LRRK2: variants seen among roughly 807,000 people sequenced by gnomAD.
LRRK2 encodes leucine rich repeat kinase 2, also known as leucine-rich repeat serine/threonine-protein kinase 2.
LRRK2 carries 203 observed loss-of-function variants against 302.6 expected under a neutral mutation model. The observed-to-expected ratio is 0.67, with a 90% CI of 0.60 to 0.75. LRRK2 has a LOEUF of 0.75. Among genes scored for constraint, LRRK2 ranks in the 30% least tolerant of loss-of-function variants. The probability of loss-of-function intolerance (pLI) is 0.00; values close to 1 mark genes in which losing one functional copy is unlikely to be tolerated. For missense variants in LRRK2, 2,830 were observed against 2,951.0 expected (o/e 0.96, Z 0.95); for synonymous variants, 1,066 against 1,031.9 (o/e 1.03, Z -0.63).
In LRRK2 at chr12:40,322,172, T is replaced by C. The variant is rs138386040; in HGVS notation, c.5308T>C (p.Cys1770Arg). 1 of 1,611,572 alleles carries C rather than the reference T, an allele frequency of 6.2e-7. No individual in the cohort carries two copies. Among genetic ancestry groups the C allele is most frequent in the Non-Finnish European group, 8.5e-7 (1 of 1,178,502 alleles). The change falls in exon 36 of 51, where the codon TGT (cysteine) becomes CGT (arginine). Residue 1770 changes from cysteine to arginine, a missense_variant. Coordinates refer to ENST00000298910, the MANE Select transcript of LRRK2 (RefSeq NM_198578.4). ...ESFLKITVPS[C>R]RKGCILLGQV... Reference sequence around the variant, plus strand: ...TTTCTTAAAAATTACAGTTCCTTCTTGTAGAAAAGGTAAGGAAATCAATTT... The same window carrying C: ...TTTCTTAAAAATTACAGTTCCTTCTCGTAGAAAAGGTAAGGAAATCAATTT...
rs1944948791 is a variant in LRRK2 at position 40,309,255 on chromosome 12, A to G, written c.4317+22A>G. The G allele has an allele frequency of 1.9e-6, 3 of 1,605,262 alleles. No individual in the cohort carries two copies. In the South Asian group the frequency reaches 3.3e-5, roughly 18 times the overall value. On this transcript the variant is annotated intron_variant, in intron 30 of 50. Coordinates refer to ENST00000298910, the MANE Select transcript of LRRK2 (RefSeq NM_198578.4). ...AAAGGTGATTTGTTCTGATCATTTG[A>G]AAATAGAAAATAATTCATGTGTCTG...
At chr12:40,299,388 A>C (rs1944533866) in intron 25 of LRRK2, 131 bp downstream of exon 25, 1 of 1,031,568 alleles carries the variant, frequency 9.7e-7, no homozygotes, top group Admixed American at 2.1e-5. Flanking sequence ...TTTAAAAAAT[A>C]AAATTAGCAG....
intron 40 of LRRK2, among the ~76,000 whole-genome samples, chr12:40,339,848 C>CT (rs1372618735): frequency 6.6e-6 from 1 of 152,140 alleles, no homozygotes; most frequent in East Asian, 1.9e-4. Flanking sequence ...AGCTAAACCT[C>CT]TATGTGGTTT....
At chr12:40,327,382 C>T (rs1945586270) in intron 38 of LRRK2, among the ~76,000 whole-genome samples, 1 of 152,194 alleles carries the variant, frequency 6.6e-6, no homozygotes, top group African/African-American at 2.4e-5. Context: ...AGAAAAAAAT[C>T]TAATGACCAT....
Position 40,280,019 on chromosome 12 carries a change from G to C in LRRK2, c.2241+1758G>C, listed in dbSNP as rs145371497. 8.5e-5 allele frequency among the ~76,000 whole-genome samples: 13 copies of C among 152,336 alleles called. No individual in the cohort carries two copies. The East Asian group carries it at 2.3e-3, about 27-fold the overall frequency. On this transcript the variant is annotated intron_variant, in intron 18 of 50. Coordinates refer to ENST00000298910, the MANE Select transcript of LRRK2 (RefSeq NM_198578.4). ...GTGGAGTTGTGTTAGACTTTCTGCA[G>C]AGAATTTGATAATGGAATGTACATG...
rs138370386 is a variant in LRRK2 at position 40,334,533 on chromosome 12, A to C, written c.5758-434A>C. Among the ~76,000 whole-genome samples the C allele has an allele frequency of 1.0e-3, 159 of 152,316 alleles. No individual in the cohort carries two copies. The East Asian group carries it at 0.024, about 23-fold the overall frequency. On this transcript the variant is annotated intron_variant, in intron 39 of 50. Transcript: ENST00000298910. ...TATTATATACTCCATTCTTACCATA[A>C]AGCAAGCTAGAGAAAAGAGTATTTT...
chr12:40,278,121 A>G lies in LRRK2; in HGVS notation c.2101A>G (p.Lys701Glu). Residue 701 changes from lysine to glutamate, a missense_variant, in exon 18 of 51, where the codon AAA (lysine) becomes GAA (glutamate). Lys to Glu is a moderately conservative substitution (Grantham distance 56, BLOSUM62 1). This residue lies in a region of LRRK2 where 2,121 missense variants were observed against 2,148.0 expected (regional missense o/e 0.99). Coordinates refer to ENST00000298910, the MANE Select transcript of LRRK2 (RefSeq NM_198578.4). ...AAACCTCTGTTGCAAGTGTTTTGCA[A>G]AAGTAGCTATGGATGATTACTTAAA... Reference protein sequence around the residue: ...FLNLCCKCFAKVAMDDYLKNV... With the variant: ...FLNLCCKCFAEVAMDDYLKNV... The G allele has an allele frequency of 6.2e-7, 1 of 1,614,098 alleles. No individual in the cohort carries two copies. Among genetic ancestry groups the G allele is most frequent in the Non-Finnish European group, 8.5e-7 (1 of 1,180,008 alleles).
rs187204402 is a variant in LRRK2, at chr12:40,226,901, C to T, written c.237+1261C>T. ...ATTCTGGCCACCTTCATTCCCTAGA[C>T]TCTGTACTTGATAGAGTCACTCCTG... On this transcript the variant is annotated intron_variant, in intron 2 of 50. Transcript: ENST00000298910. 1.2e-3 allele frequency among the ~76,000 whole-genome samples: 188 copies of T among 152,204 alleles called. 2 individuals are homozygous for T. The highest frequency in any genetic ancestry group is 4.2e-3 in the African/African-American group (173 of 41,538).
chr12:40,330,415 A>C (rs1007032246), intron 39 of LRRK2, among the ~76,000 whole-genome samples: 3 of 152,062 alleles, frequency 2.0e-5, no homozygotes, highest in African/African-American at 7.2e-5. Context: ...GCTCCTATCT[A>C]GGATACCTTT....
rs199929255 is a variant in LRRK2, at chr12:40,283,895, T to A, written c.2262T>A (p.Ser754Arg). Residue 754 changes from serine to arginine, a missense_variant, in exon 19 of 51, where the codon AGT becomes AGA. Physicochemically the swap from Ser to Arg is moderately radical, Grantham distance 110. Around this residue, in one of 3 missense-constraint regions of LRRK2, gnomAD observed 2,121 missense variants for 2,148.0 expected, o/e 0.99. Transcript: ENST00000298910. ...LICQVCEKES[S>R]PKLVELLLNS... The stretch of plus-strand genomic sequence containing the variant: ...AATAGGTATGTGAGAAAGAGAGCAG[T>A]CCCAAATTGGTGGAACTCTTACTGA... The A allele has an allele frequency of 1.1e-5, 17 of 1,613,124 alleles. 1 individual carries two copies. In the South Asian group the frequency reaches 1.6e-4, roughly 16 times the overall value.
Position 40,257,307 on chromosome 12 carries a change from C to A in LRRK2, c.1348C>A (p.Gln450Lys). ...GIHLNVLELM[Q>K]KHIHSPEVAE... The stretch of plus-strand genomic sequence containing the variant: ...ACACCTGAATGTTTTGGAGTTAATG[C>A]AGAAGCATATACATTCTCCTGAAGT... Residue 450 changes from glutamine to lysine, a missense_variant, in exon 12 of 51, where the codon CAG (glutamine) becomes AAG (lysine). Gln to Lys is a moderately conservative substitution (Grantham distance 53, BLOSUM62 1). Around this residue, in one of 3 missense-constraint regions of LRRK2, gnomAD observed 2,121 missense variants for 2,148.0 expected, o/e 0.99. Coordinates refer to ENST00000298910, the MANE Select transcript of LRRK2 (RefSeq NM_198578.4). 1.2e-6 allele frequency: 2 copies of A among 1,608,386 alleles called. No homozygotes were observed. The highest frequency in any genetic ancestry group is 1.7e-6 in the Non-Finnish European group (2 of 1,175,096).
At chr12:40,342,647 T>G (rs562653427) in intron 41 of LRRK2, among the ~76,000 whole-genome samples, 1 of 152,286 alleles carries the variant, frequency 6.6e-6, no homozygotes, top group African/African-American at 2.4e-5. Flanking sequence ...CACCAAACTT[T>G]TTCTTCCCCA....
At chr12:40,363,378 C>T (rs1311918582) in intron 47 of LRRK2, 24 bp from the exon 48 acceptor site, 2 of 1,550,008 alleles carry the variant, frequency 1.3e-6, no homozygotes, top group Non-Finnish European at 1.7e-6. Flanking sequence ...ATAGTGATGA[C>T]TTTCTATTTT....
Position 40,322,524 on chromosome 12 carries a change from C to A in LRRK2, c.5509+14C>A, listed in dbSNP as rs373680559. 7 of 1,608,044 alleles carry A rather than the reference C, an allele frequency of 4.4e-6. No homozygotes were observed. Among genetic ancestry groups the A allele is most frequent in the Non-Finnish European group, 3.4e-6 (4 of 1,175,320 alleles). ...AAGCAGAGGAAGGTATGTTTTGATACAACTTACAAATGCTTTTAAGTGATC... is the reference window on the plus strand; with the variant it reads ...AAGCAGAGGAAGGTATGTTTTGATAAAACTTACAAATGCTTTTAAGTGATC... On this transcript the variant is annotated intron_variant, in intron 37 of 50. Transcript: ENST00000298910.
chr12:40,269,662 A>G (rs1465147318), intron 14 of LRRK2, among the ~76,000 whole-genome samples: 2 of 152,270 alleles, frequency 1.3e-5, no homozygotes, highest in Non-Finnish European at 2.9e-5. Context: ...AAATTATACC[A>G]TTTCCAAATT....
At chr12:40,281,751 C>G (rs17519832) in intron 18 of LRRK2, among the ~76,000 whole-genome samples, 3,643 of 152,272 alleles carry the variant, frequency 0.024, 162 homozygotes, top group African/African-American at 0.083. Flanking sequence ...TGCCTAAAGT[C>G]AGCTTGGATA....
intron 13 of LRRK2, among the ~76,000 whole-genome samples, chr12:40,263,544 T>C (rs1358426748): frequency 6.6e-6 from 1 of 152,210 alleles, no homozygotes; most frequent in Non-Finnish European, 1.5e-5. Context: ...ACCATCGTAA[T>C]TTTTTGCTAC....
intron 16 of LRRK2, among the ~76,000 whole-genome samples, chr12:40,277,275 G>A (rs1454873270): frequency 6.6e-6 from 1 of 152,200 alleles, no homozygotes. Flanking sequence ...CTCTGGGGAT[G>A]TGCTTAAGGT....
chr12:40,340,541 A>G, intron 41 of LRRK2, 87 bp downstream of exon 41: 1 of 1,342,348 alleles, frequency 7.4e-7, no homozygotes, highest in Non-Finnish European at 1.1e-6. Flanking sequence ...TCAAAAGGAA[A>G]ACAGAGTCTA....
Sources: allele counts gnomAD v4.1 joint callset (sites outside exome capture counted in the v4.1 genomes callset), GRCh38; gene constraint gnomAD v4.1.1; regional missense constraint gnomAD v4.1.1; transcripts MANE v1.5; gene names NCBI Gene and HGNC (gene_info 2026-07-23, HGNC 2026-07-21).